The following DLGAP2 variants were observed in gnomAD, a reference collection of about 807,000 sequenced individuals.
The protein encoded by DLGAP2 is DLG associated protein 2, also known as disks large-associated protein 2.
A neutral mutation model predicts 100.3 loss-of-function variants in DLGAP2; 26 were observed. The ratio of observed to expected loss-of-function variants is 0.26; its 90% CI spans 0.19 to 0.36. The LOEUF is 0.36. DLGAP2 is among the 10% of genes least tolerant of loss of function. The pLI, the probability that DLGAP2 is intolerant of heterozygous loss-of-function variation, is 1.00. For missense variants in DLGAP2, 1,858 were observed against 1,453.2 expected (o/e 1.28, Z -4.53); for synonymous variants, 886 against 630.1 (o/e 1.41, Z -6.08).
intron 2 of DLGAP2, among the ~76,000 whole-genome samples, chr8:1,227,748 G>C (rs557168236): frequency 9.2e-5 from 14 of 152,168 alleles, no homozygotes; most frequent in Non-Finnish European, 1.9e-4. Context: ...CAGGGATGGG[G>C]TAGAGAGAGG....
chr8:976,260 A>G (rs965546460), intron 2 of DLGAP2, among the ~76,000 whole-genome samples: 1 of 152,210 alleles, frequency 6.6e-6, no homozygotes, highest in Non-Finnish European at 1.5e-5. Flanking sequence ...TGTAATGAAG[A>G]CAGTGTTGTA....
intron 3 of DLGAP2, among the ~76,000 whole-genome samples, chr8:1,326,569 A>C (rs542664129): frequency 6.0e-5 from 9 of 151,058 alleles, no homozygotes; most frequent in Admixed American, 3.3e-4. Flanking sequence ...ACTCGGTCTC[A>C]GTCCGGGCTT....
chr8:1,121,826 A>G (rs1796057376), intron 2 of DLGAP2, among the ~76,000 whole-genome samples: 3 of 152,232 alleles, frequency 2.0e-5, no homozygotes, highest in South Asian at 4.1e-4. Context: ...TTTAGAATTC[A>G]TGACAACACA....
chr8:1,442,649 G>T (rs1171501703), intron 3 of DLGAP2, among the ~76,000 whole-genome samples: 1 of 147,774 alleles, frequency 6.8e-6, no homozygotes, highest in Non-Finnish European at 1.5e-5. Flanking sequence ...TCAGCCACTG[G>T]AGGAGACGGA....
At chr8:955,280 T>C (rs1799571049) in intron 2 of DLGAP2, among the ~76,000 whole-genome samples, 1 of 152,182 alleles carries the variant, frequency 6.6e-6, no homozygotes, top group Non-Finnish European at 1.5e-5. Context: ...TTTATGGAGT[T>C]AAACCTGTGG....
At chr8:969,943 A>T (rs1254251000) in intron 2 of DLGAP2, among the ~76,000 whole-genome samples, 1 of 152,244 alleles carries the variant, frequency 6.6e-6, no homozygotes, top group African/African-American at 2.4e-5. Flanking sequence ...TTCTTTTAAT[A>T]TTCAAAACTA....
intron 2 of DLGAP2, among the ~76,000 whole-genome samples, chr8:994,252 G>A (rs145001422): frequency 1.6e-3 from 247 of 152,310 alleles, no homozygotes; most frequent in African/African-American, 5.9e-3. Flanking sequence ...CCAGGCTGGA[G>A]TGCAGTGGCG....
chr8:1,018,679 A>C (rs1013308851), intron 2 of DLGAP2: 4 of 152,256 alleles, frequency 2.6e-5, no homozygotes, highest in African/African-American at 9.6e-5. Context: ...CAAAGTTCAT[A>C]CTTTTTACAT....
intron 3 of DLGAP2, among the ~76,000 whole-genome samples, chr8:1,420,550 C>T (rs781733987): frequency 3.3e-5 from 5 of 152,166 alleles, no homozygotes; most frequent in African/African-American, 1.2e-4. Context: ...TTTAAGCTAT[C>T]CACAGTATAC....
intron 2 of DLGAP2, among the ~76,000 whole-genome samples, chr8:913,379 C>T (rs1034102570): frequency 6.6e-6 from 1 of 152,186 alleles, no homozygotes; most frequent in Non-Finnish European, 1.5e-5. Flanking sequence ...AAAGGAAACT[C>T]AGTGGCCAAG....
At chr8:1,372,289 G>C (rs958673208) in intron 3 of DLGAP2, among the ~76,000 whole-genome samples, 11 of 152,130 alleles carry the variant, frequency 7.2e-5, no homozygotes, top group African/African-American at 2.7e-4. Flanking sequence ...GCTGGTCACC[G>C]TGCTGCCAAC....
intron 2 of DLGAP2, among the ~76,000 whole-genome samples, chr8:974,603 A>G (rs1800115750): frequency 6.6e-6 from 1 of 152,260 alleles, no homozygotes; most frequent in Admixed American, 6.5e-5. Context: ...GATAGCCAGA[A>G]GTTTCCAAAA....
At chr8:907,023 G>A (rs954955477) in intron 1 of DLGAP2, among the ~76,000 whole-genome samples, 5 of 152,178 alleles carry the variant, frequency 3.3e-5, no homozygotes, top group Non-Finnish European at 5.9e-5. Context: ...TTCATCCATT[G>A]CATTTATGAG....
intron 3 of DLGAP2, among the ~76,000 whole-genome samples, chr8:1,267,581 AATAAAATAAGATAAGATAAG>A (rs1225566854): frequency 4.0e-4 from 26 of 64,952 alleles, no homozygotes; most frequent in South Asian, 3.0e-3. Context: ...AATAAAATAA[AATAAAATAAGATAAGATAAG>A]ATAAGATAAG....
chr8:892,233 G>C (rs975957346), intron 1 of DLGAP2, among the ~76,000 whole-genome samples: 2 of 152,204 alleles, frequency 1.3e-5, no homozygotes, highest in Non-Finnish European at 2.9e-5. Context: ...CGGGGTCTCG[G>C]GGCAGCCCCT....
chr8:1,690,628 T>A (rs1799233921), intron 12 of DLGAP2, among the ~76,000 whole-genome samples: 1 of 132,092 alleles, frequency 7.6e-6, no homozygotes, highest in Non-Finnish European at 1.5e-5. Flanking sequence ...TGCTTGAACC[T>A]GGGAGGTGGA....
At chr8:1,334,862 C>CGCGA (rs1350183542) in intron 3 of DLGAP2, among the ~76,000 whole-genome samples, 3 of 152,166 alleles carry the variant, frequency 2.0e-5, no homozygotes, top group Non-Finnish European at 4.4e-5. Flanking sequence ...TCTTGCCTCT[C>CGCGA]TCGCCTCTTT....
intron 2 of DLGAP2, among the ~76,000 whole-genome samples, chr8:1,100,299 G>A (rs978707497): frequency 2.0e-5 from 3 of 151,712 alleles, no homozygotes; most frequent in African/African-American, 2.4e-5. Context: ...AGTGTACAGC[G>A]TGTGTAGGGA....
In DLGAP2 at chr8:1,316,687, G is replaced by T. The variant is rs969817199; in HGVS notation, c.106+57804G>T. ...ACACTTGGCAGCTTTTAAAAATACA[G>T]CGTGCGTGAGTGCAGTGTCTATCCC... On this transcript the variant is annotated intron_variant, in intron 3 of 14. Transcript: ENST00000637795. Among the ~76,000 whole-genome samples, 10 of 142,402 alleles carry T rather than the reference G, an allele frequency of 7.0e-5. 1 individual carries two copies. The highest frequency in any genetic ancestry group is 1.4e-4 in the Non-Finnish European group (9 of 66,458). 93.4% of individuals were successfully genotyped at this position (142,402 alleles called of 152,430 possible). A position where few individuals can be genotyped will look rare whatever the true frequency, so the allele number is the denominator to read the frequency against.
Sources: gnomAD v4.1 joint callset for allele counts (sites outside exome capture counted in the v4.1 genomes callset) on GRCh38, gnomAD v4.1.1 for gene constraint, MANE v1.5 for transcripts, NCBI Gene and HGNC (gene_info 2026-07-23, HGNC 2026-07-21) for gene names.